Variants in TRPC4 observed in about 807,000 individuals in gnomAD.
TRPC4 encodes transient receptor potential cation channel subfamily C member 4, also known as short transient receptor potential channel 4.
Under a neutral mutation model 99.4 loss-of-function variants are expected in TRPC4, and 49 were observed. The ratio of observed to expected loss-of-function variants is 0.49; its 90% CI spans 0.39 to 0.63. TRPC4 has a LOEUF of 0.63. TRPC4 is among the 20% of genes least tolerant of loss of function. The pLI, the probability that TRPC4 is intolerant of heterozygous loss-of-function variation, is 0.00. For synonymous variants in TRPC4, 454 were observed against 425.9 expected (o/e 1.07, Z -0.81); for missense variants, 898 against 1,152.9 (o/e 0.78, Z 3.20).
chr13:37,672,489 A>G (rs540892784), intron 5 of TRPC4, among the ~76,000 whole-genome samples: 4 of 152,274 alleles, frequency 2.6e-5, no homozygotes, highest in African/African-American at 9.6e-5. Flanking sequence ...AAATCTGGTG[A>G]TGGAGAAAAT....
At chr13:37,790,622 C>G (rs1226982987) in intron 1 of TRPC4, among the ~76,000 whole-genome samples, 2 of 152,164 alleles carry the variant, frequency 1.3e-5, no homozygotes, top group African/African-American at 2.4e-5. Context: ...TCAGAAGTCT[C>G]TTTTTGCTAA....
chr13:37,753,182 A>C (rs975915447), intron 2 of TRPC4, among the ~76,000 whole-genome samples: 1 of 152,116 alleles, frequency 6.6e-6, no homozygotes, highest in African/African-American at 2.4e-5. Context: ...GTTATAAGAA[A>C]ATGACAGCAT....
chr13:37,824,765 A>G (rs1305431046), intron 1 of TRPC4, among the ~76,000 whole-genome samples: 1 of 152,160 alleles, frequency 6.6e-6, no homozygotes, highest in Non-Finnish European at 1.5e-5. Context: ...AGGCTTTGGT[A>G]TCAGAATGAT....
At chr13:37,692,417 G>C in intron 3 of TRPC4, 82 bp from the exon 4 acceptor site, 1 of 1,193,330 alleles carries the variant, frequency 8.4e-7, no homozygotes, top group East Asian at 2.5e-5. Flanking sequence ...ACACAATTGT[G>C]ATCTTTAAAG....
In TRPC4 at chr13:37,756,917, G is replaced by A. The variant is rs74362997; in HGVS notation, c.379-10462C>T. On this transcript the variant is annotated intron_variant, in intron 2 of 10. Coordinates refer to ENST00000379705, the MANE Select transcript of TRPC4 (RefSeq NM_016179.4). ...ATAATAAACACCTTAAAAGAAATTC[G>A]GCACGATTACATACATATGGCTCTA... Among the ~76,000 whole-genome samples, 784 of 151,868 alleles carry A rather than the reference G, an allele frequency of 5.2e-3. 5 individuals carry two copies. The highest frequency in any genetic ancestry group is 0.018 in the African/African-American group (764 of 41,448).
chr13:37,726,197 C>CG lies in TRPC4; in HGVS notation c.897+19739_897+19740insC, dbSNP rs1955051388. On this transcript the variant is annotated intron_variant, in intron 3 of 10. Transcript: ENST00000379705. ...GGCGACAGAGTGAGACACCGTCCCC[C>CG]CCCAAAAAAAAAAGTTAGTATTATT... Among the ~76,000 whole-genome samples, 4 of 147,900 alleles carry CG rather than the reference C, an allele frequency of 2.7e-5. No homozygotes were observed. The Admixed American group carries it at 2.8e-4, about 10-fold the overall frequency.
At chr13:37,656,842 C>G (rs1275400881) in intron 6 of TRPC4, among the ~76,000 whole-genome samples, 1 of 152,172 alleles carries the variant, frequency 6.6e-6, no homozygotes, top group African/African-American at 2.4e-5. Context: ...TGCTGACACA[C>G]AGAGTAACAA....
chr13:37,748,991 T>C (rs1392691787), intron 2 of TRPC4, among the ~76,000 whole-genome samples: 1 of 152,148 alleles, frequency 6.6e-6, no homozygotes, highest in African/African-American at 2.4e-5. Flanking sequence ...GTACTCCTCA[T>C]GTATACAGGG....
intron 4 of TRPC4, among the ~76,000 whole-genome samples, chr13:37,675,324 C>T (rs1328557308): frequency 1.3e-5 from 2 of 152,142 alleles, no homozygotes; most frequent in East Asian, 1.9e-4. Context: ...AATATATGCA[C>T]GTTCCTCTAA....
intron 8 of TRPC4, among the ~76,000 whole-genome samples, chr13:37,647,772 G>A (rs977775295): frequency 6.6e-6 from 1 of 152,140 alleles, no homozygotes; most frequent in African/African-American, 2.4e-5. Context: ...ATTAATAGTT[G>A]TTTGTGTATC....
chr13:37,646,118 C>T (rs1252077773), intron 8 of TRPC4, among the ~76,000 whole-genome samples: 1 of 152,170 alleles, frequency 6.6e-6, no homozygotes, highest in African/African-American at 2.4e-5. Flanking sequence ...ATAGCTGTTG[C>T]TAATCTATTC....
At chr13:37,743,352 A>G (rs1471319291) in intron 3 of TRPC4, among the ~76,000 whole-genome samples, 1 of 152,178 alleles carries the variant, frequency 6.6e-6, no homozygotes, top group Non-Finnish European at 1.5e-5. Flanking sequence ...GTTGGAAATT[A>G]TTAAATGCCT....
Position 37,635,490 on chromosome 13 carries a change from A to G in TRPC4, c.*1413T>C, listed in dbSNP as rs1327423527. On this transcript the variant is annotated 3_prime_UTR_variant, in exon 11 of 11. Coordinates refer to ENST00000379705, the MANE Select transcript of TRPC4 (RefSeq NM_016179.4). ...TATTCCTTATTTTTGATGTTTGGTA[A>G]TGAGAAACTGAGTGCCATAACATTA... Among the ~76,000 whole-genome samples, 2 of 152,150 alleles carry G rather than the reference A, an allele frequency of 1.3e-5. No individual in the cohort carries two copies. The highest frequency in any genetic ancestry group is 2.9e-5 in the Non-Finnish European group (2 of 68,000).
chr13:37,735,833 T>C (rs1160407139), intron 3 of TRPC4, among the ~76,000 whole-genome samples: 2 of 152,228 alleles, frequency 1.3e-5, no homozygotes, highest in African/African-American at 4.8e-5. Context: ...TTTAAAAATA[T>C]TTATTTAAAG....
chr13:37,694,631 TA>T (rs1953848739), intron 3 of TRPC4, among the ~76,000 whole-genome samples: 1 of 152,260 alleles, frequency 6.6e-6, no homozygotes, highest in African/African-American at 2.4e-5. Flanking sequence ...ATTTTTTATT[TA>T]TTTTTTTTCT....
At chr13:37,663,379 G>A in intron 6 of TRPC4, 37 bp downstream of exon 6, 1 of 1,569,024 alleles carries the variant, frequency 6.4e-7, no homozygotes, top group Non-Finnish European at 8.7e-7. Flanking sequence ...TCTAAATGCT[G>A]TACAACATTA....
At chr13:37,650,404 T>C (rs1952002267) in intron 8 of TRPC4, among the ~76,000 whole-genome samples, 1 of 152,068 alleles carries the variant, frequency 6.6e-6, no homozygotes, top group South Asian at 2.1e-4. Context: ...GCGTGAAGAA[T>C]GATTTGTCTT....
At chr13:37,794,506 C>T (rs746864672) in intron 1 of TRPC4, among the ~76,000 whole-genome samples, 3 of 151,958 alleles carry the variant, frequency 2.0e-5, no homozygotes, top group South Asian at 4.2e-4. Flanking sequence ...TCCCTGTTAC[C>T]GGCAGTATTC....
intron 2 of TRPC4, among the ~76,000 whole-genome samples, chr13:37,754,739 A>G (rs1467785412): frequency 6.6e-6 from 1 of 152,140 alleles, no homozygotes; most frequent in Non-Finnish European, 1.5e-5. Context: ...AACTTTATAA[A>G]TGTATCTCTT....
Sources: gnomAD v4.1 joint callset for allele counts (sites outside exome capture counted in the v4.1 genomes callset) on GRCh38, gnomAD v4.1.1 for gene constraint, MANE v1.5 for transcripts, NCBI Gene and HGNC (gene_info 2026-07-23, HGNC 2026-07-21) for gene names.